Variants in CACNB4 observed in about 807,000 individuals in gnomAD.
CACNB4 encodes the protein calcium voltage-gated channel auxiliary subunit beta 4, also known as voltage-dependent L-type calcium channel subunit beta-4.
In CACNB4, 32 loss-of-function variants were observed where a neutral mutation model predicts 71.2. The ratio of observed to expected loss-of-function variants is 0.45; its 90% CI spans 0.34 to 0.60. The LOEUF (loss-of-function observed/expected upper bound fraction) is 0.60. CACNB4 is among the 20% of genes least tolerant of loss of function. The pLI is 0.01. For synonymous variants in CACNB4, 231 were observed against 236.9 expected, an observed-to-expected ratio of 0.97 and a Z score of 0.23; for missense variants, 464 against 647.9, an observed-to-expected ratio of 0.72 and a Z score of 3.08.
At chr2:151,874,513 C>A (rs1371816088) in intron 5 of CACNB4, among the ~76,000 whole-genome samples, 3 of 149,532 alleles carry the variant, frequency 2.0e-5, no homozygotes, top group Non-Finnish European at 4.5e-5. Context: ...ATACAAGGGA[C>A]AAGAGGGATT....
chr2:151,834,549 A>G lies in CACNB4; in HGVS notation c.*4570T>C, dbSNP rs549017506. The G allele has an allele frequency of 1.8e-4, 27 of 152,144 alleles. No homozygotes were observed. Among genetic ancestry groups the G allele is most frequent in the African/African-American group, 6.5e-4 (27 of 41,574 alleles). 9.4% of individuals were successfully genotyped at this position (152,144 alleles called of 1,614,324 possible). A position where few individuals can be genotyped will look rare whatever the true frequency, so the allele number is the denominator to read the frequency against. On this transcript the variant is annotated 3_prime_UTR_variant, in exon 14 of 14. Coordinates refer to ENST00000539935, the MANE Select transcript of CACNB4 (RefSeq NM_000726.5). ...GGATGTATTTTATTTAAGAAAGTCC[A>G]TTTTAATAAAAGAAGAAACTTTTAA...
chr2:152,048,223 C>CA (rs1198405746), intron 2 of CACNB4, among the ~76,000 whole-genome samples: 1 of 152,076 alleles, frequency 6.6e-6, no homozygotes, highest in Non-Finnish European at 1.5e-5. Context: ...GATGTAACAA[C>CA]AAAAAATGCC....
intron 2 of CACNB4, among the ~76,000 whole-genome samples, chr2:151,914,824 C>T (rs545352600): frequency 1.6e-4 from 24 of 152,312 alleles, no homozygotes; most frequent in Admixed American, 1.5e-3. Context: ...CTCAAGGAGG[C>T]TGGAGAACAG....
intron 2 of CACNB4, among the ~76,000 whole-genome samples, chr2:151,975,540 A>C (rs2099873638): frequency 6.6e-6 from 1 of 152,172 alleles, no homozygotes; most frequent in Non-Finnish European, 1.5e-5. Flanking sequence ...GGACAGCAGC[A>C]GGGGATGAGT....
chr2:151,891,484 T>C (rs1478954296), intron 2 of CACNB4, among the ~76,000 whole-genome samples: 11 of 152,176 alleles, frequency 7.2e-5, no homozygotes, highest in Non-Finnish European at 1.5e-5. Context: ...ATTGCAAACA[T>C]TGCAATTGTA....
At chr2:152,086,386 G>A (rs1405979141) in intron 2 of CACNB4, among the ~76,000 whole-genome samples, 2 of 152,202 alleles carry the variant, frequency 1.3e-5, no homozygotes, top group African/African-American at 4.8e-5. Flanking sequence ...AATGTTTGCA[G>A]CTGACCTATT....
At position 151,975,635 on chromosome 2, in the gene CACNB4, C is replaced by T. The variant is rs73967724; in HGVS notation, c.148-92265G>A. 1.8e-4 allele frequency among the ~76,000 whole-genome samples: 27 copies of T among 152,112 alleles called. No individual in the cohort carries two copies. The South Asian group carries it at 4.2e-3, about 23-fold the overall frequency. On this transcript the variant is annotated intron_variant, in intron 2 of 13. Transcript: ENST00000539935. The stretch of plus-strand genomic sequence containing the variant: ...GCATGTTGGAGAAAGTCCCTGGCCA[C>T]GTGGAACCTCGGTTCCCTCCCCCAT...
chr2:152,094,646 C>A (rs1050705538), intron 2 of CACNB4, among the ~76,000 whole-genome samples: 1 of 152,184 alleles, frequency 6.6e-6, no homozygotes, highest in Non-Finnish European at 1.5e-5. Flanking sequence ...TTACATGTCA[C>A]CGTACTGTTT....
chr2:152,067,546 C>T (rs12474991), intron 2 of CACNB4, among the ~76,000 whole-genome samples: 38,053 of 152,000 alleles, frequency 0.25, 5,792 homozygotes, highest in East Asian at 0.75. Flanking sequence ...TTTCTCCTTC[C>T]CTTTTCTCTT....
At position 151,973,465 on chromosome 2, in the gene CACNB4, T is replaced by G. The variant is rs2099873161; in HGVS notation, c.148-90095A>C. 10 of 584,372 alleles carry G rather than the reference T, an allele frequency of 1.7e-5. No individual in the cohort carries two copies. The South Asian group carries it at 2.2e-4, about 13-fold the overall frequency. The allele number at this position is 584,372 out of a possible 1,614,324, so 36.2% of individuals were successfully genotyped here. A position where few individuals can be genotyped will look rare whatever the true frequency, so the allele number is the denominator to read the frequency against. ...ATGCTTTGCCATCACCCTAATTTCT[T>G]TTTTGCTTGACAATAAATAATTTTA... On this transcript the variant is annotated intron_variant, in intron 2 of 13. Coordinates refer to ENST00000539935, the MANE Select transcript of CACNB4 (RefSeq NM_000726.5).
At chr2:151,916,612 T>C (rs1159045858) in intron 2 of CACNB4, among the ~76,000 whole-genome samples, 5 of 152,232 alleles carry the variant, frequency 3.3e-5, no homozygotes, top group African/African-American at 1.2e-4. Flanking sequence ...TATATTGATA[T>C]AAGGACTGTG....
intron 2 of CACNB4, among the ~76,000 whole-genome samples, chr2:152,049,592 T>C (rs1272875760): frequency 1.3e-5 from 2 of 152,194 alleles, no homozygotes; most frequent in Non-Finnish European, 2.9e-5. Flanking sequence ...TCTTTCCTTT[T>C]TTTCTTCTCC....
At chr2:151,849,362 A>G (rs1386533856) in intron 12 of CACNB4, among the ~76,000 whole-genome samples, 6 of 152,072 alleles carry the variant, frequency 3.9e-5, no homozygotes, top group Non-Finnish European at 5.9e-5. Flanking sequence ...GGTTCAAGCA[A>G]TTCTCTCACC....
At chr2:152,052,461 T>C (rs1685490890) in intron 2 of CACNB4, among the ~76,000 whole-genome samples, 1 of 152,054 alleles carries the variant, frequency 6.6e-6, no homozygotes, top group Non-Finnish European at 1.5e-5. Flanking sequence ...TCCTGACTAA[T>C]TTTCGTATTC....
chr2:151,978,556 C>T (rs1424514530), intron 2 of CACNB4, among the ~76,000 whole-genome samples: 1 of 152,202 alleles, frequency 6.6e-6, no homozygotes, highest in African/African-American at 2.4e-5. Flanking sequence ...CCTCCATTTC[C>T]TCACTTACAA....
At chr2:151,843,612 G>A (rs1031451226) in intron 12 of CACNB4, among the ~76,000 whole-genome samples, 2 of 152,064 alleles carry the variant, frequency 1.3e-5, no homozygotes, top group Non-Finnish European at 2.9e-5. Flanking sequence ...CACCACACCC[G>A]GCTCACATCT....
intron 11 of CACNB4, 41 bp from the exon 12 acceptor site, chr2:151,853,584 T>C (rs767407188): frequency 1.7e-6 from 2 of 1,164,674 alleles, no homozygotes; most frequent in Admixed American, 2.4e-5. Flanking sequence ...TGTAGATGAG[T>C]TGAAAGAAAA....
At chr2:151,891,102 T>C (rs1246505958) in intron 2 of CACNB4, among the ~76,000 whole-genome samples, 1 of 152,234 alleles carries the variant, frequency 6.6e-6, no homozygotes, top group Non-Finnish European at 1.5e-5. Context: ...ATTACAACTA[T>C]TTTACATAAT....
At chr2:151,926,978 T>A (rs535384815) in intron 2 of CACNB4, among the ~76,000 whole-genome samples, 1 of 152,338 alleles carries the variant, frequency 6.6e-6, no homozygotes, top group African/African-American at 2.4e-5. Context: ...GAAAGTTATT[T>A]TGATCAGTAT....
Sources: allele counts gnomAD v4.1 joint callset (sites outside exome capture counted in the v4.1 genomes callset), GRCh38; gene constraint gnomAD v4.1.1; transcripts MANE v1.5; gene names NCBI Gene and HGNC (gene_info 2026-07-23, HGNC 2026-07-21).